The following TTC6 variants were observed in gnomAD, a reference collection of about 807,000 sequenced individuals.
The protein encoded by TTC6 is tetratricopeptide repeat domain 6.
A neutral mutation model predicts 210.4 loss-of-function variants in TTC6; 172 were observed. That is an observed-to-expected ratio of 0.82 (90% CI 0.72 to 0.93). The LOEUF (loss-of-function observed/expected upper bound fraction) is 0.93, where lower values mean the gene tolerates loss of function less well. Among genes scored for constraint, TTC6 ranks in the 40% least tolerant of loss-of-function variants. The pLI is 0.00. For missense variants in TTC6, 2,414 were observed against 2,318.1 expected (o/e 1.04, Z -0.85); for synonymous variants, 804 against 819.6 (o/e 0.98, Z 0.32).
At chr14:37,685,312 C>T (rs1158127013) in intron 3 of TTC6, among the ~76,000 whole-genome samples, 2 of 152,018 alleles carry the variant, frequency 1.3e-5, no homozygotes, top group African/African-American at 4.8e-5. Flanking sequence ...TTAAAAATAT[C>T]CATAGAAATG....
chr14:37,618,312 C>A (rs564965169), upstream of TTC6, among the ~76,000 whole-genome samples: 2 of 152,084 alleles, frequency 1.3e-5, no homozygotes, highest in Non-Finnish European at 2.9e-5. Flanking sequence ...GGCTCTTGAC[C>A]CTTCTGACTG....
At chr14:37,607,617 C>CTT (rs71433907) in intron 2 of TTC6, among the ~76,000 whole-genome samples, 12 of 140,238 alleles carry the variant, frequency 8.6e-5, no homozygotes, top group Middle Eastern at 3.8e-3. Context: ...AGTATTTAGT[C>CTT]TTTTTTTTTT....
At chr14:37,645,777 A>G (rs972859689) in intron 1 of TTC6, among the ~76,000 whole-genome samples, 2 of 152,156 alleles carry the variant, frequency 1.3e-5, no homozygotes, top group African/African-American at 4.8e-5. Flanking sequence ...ATGATGCCAC[A>G]GAGGTAGCCA....
Position 37,806,395 on chromosome 14 carries a change from A to G in TTC6, c.4199A>G (p.Asn1400Ser), listed in dbSNP as rs913447413. Reference sequence around the variant, plus strand: ...TCTTTTACAAAAGCTGTGAAAGCAAATCCAGATTTTGCAGAAAGCTTTTAT... The same window carrying G: ...TCTTTTACAAAAGCTGTGAAAGCAAGTCCAGATTTTGCAGAAAGCTTTTAT... The change falls in exon 22 of 31, where the codon AAT becomes AGT. Residue 1400 changes from asparagine (N) to serine (S), a missense_variant. By Grantham distance (46) the Asn-to-Ser change is conservative (BLOSUM62 1). Transcript: ENST00000553443. 2.1e-5 allele frequency: 33 copies of G among 1,535,504 alleles called. No individual in the cohort carries two copies. In the African/African-American group the frequency reaches 4.4e-4, roughly 20 times the overall value.
chr14:37,637,007 A>G (rs2095682117), intron 1 of TTC6, among the ~76,000 whole-genome samples: 1 of 152,210 alleles, frequency 6.6e-6, no homozygotes, highest in Non-Finnish European at 1.5e-5. Context: ...AGATATGCCC[A>G]ATTGATTTGA....
At chr14:37,792,169 T>A (rs568212848) in intron 16 of TTC6, 95 bp from the exon 19 acceptor site, 1 of 957,550 alleles carries the variant, frequency 1.0e-6, no homozygotes, top group African/African-American at 1.7e-5. Flanking sequence ...TGATGAATAC[T>A]GATGCATCTG....
At chr14:37,628,371 C>CT (rs1345847800) in intron 1 of TTC6, among the ~76,000 whole-genome samples, 21 of 152,098 alleles carry the variant, frequency 1.4e-4, no homozygotes, top group African/African-American at 5.1e-4. Flanking sequence ...TGATGATGAG[C>CT]TTTTTTCATA....
intron 3 of TTC6, among the ~76,000 whole-genome samples, chr14:37,691,777 A>G (rs565845815): frequency 4.6e-5 from 7 of 152,320 alleles, no homozygotes; most frequent in African/African-American, 1.7e-4. Flanking sequence ...AAAGCTAAAC[A>G]AAATTAATAA....
chr14:37,705,882 G>C (rs1268965306), intron 5 of TTC6, among the ~76,000 whole-genome samples: 1 of 152,120 alleles, frequency 6.6e-6, no homozygotes, highest in South Asian at 2.1e-4. Context: ...GGGAAAGAAT[G>C]TTTTAGATCT....
chr14:37,765,171 A>T (rs1021021607), intron 14 of TTC6, among the ~76,000 whole-genome samples: 8 of 151,572 alleles, frequency 5.3e-5, no homozygotes, highest in Admixed American at 2.6e-4. Flanking sequence ...TATTAAAAAA[A>T]TTTTTTTTAG....
intron 1 of TTC6, among the ~76,000 whole-genome samples, chr14:37,675,685 G>A (rs2095767542): frequency 1.3e-5 from 2 of 151,754 alleles, no homozygotes; most frequent in African/African-American, 2.4e-5. Context: ...TTACATTCCC[G>A]GTAGCAGCAT....
At chr14:37,622,743 C>T (rs1566845053) in exon 1 of TTC6, 6 of 1,535,042 alleles carry the variant, frequency 3.9e-6, no homozygotes, top group Non-Finnish European at 5.2e-6. Context: ...AGTGAGGATC[C>T]GCAGCAACTT....
At chr14:37,777,556 C>T (rs1013682328) in intron 14 of TTC6, among the ~76,000 whole-genome samples, 2 of 152,126 alleles carry the variant, frequency 1.3e-5, no homozygotes. Flanking sequence ...TCACCTGAAT[C>T]TCAATGATCT....
intron 1 of TTC6, among the ~76,000 whole-genome samples, chr14:37,599,878 C>T (rs2095612146): frequency 6.6e-6 from 1 of 152,128 alleles, no homozygotes; most frequent in Admixed American, 6.5e-5. Flanking sequence ...CGGCCGCGCG[C>T]GTCTCCCGCC....
chr14:37,800,522 C>T (rs967060809), intron 20 of TTC6, among the ~76,000 whole-genome samples: 3 of 152,032 alleles, frequency 2.0e-5, no homozygotes, highest in Admixed American at 6.6e-5. Flanking sequence ...AAGGTGTGGC[C>T]GGACAACACT....
At chr14:37,813,252 A>G (rs1282600452) in intron 25 of TTC6, among the ~76,000 whole-genome samples, 1 of 152,134 alleles carries the variant, frequency 6.6e-6, no homozygotes, top group Admixed American at 6.5e-5. Context: ...AGTTTACACT[A>G]TGAATAAATG....
chr14:37,834,580 A>C (rs541946101), intron 29 of TTC6, among the ~76,000 whole-genome samples: 1 of 152,002 alleles, frequency 6.6e-6, no homozygotes, highest in African/African-American at 2.4e-5. Context: ...TAAATCATGA[A>C]GTTTTTTTTA....
chr14:37,813,300 T>C (rs2096133936), intron 25 of TTC6, among the ~76,000 whole-genome samples: 1 of 152,188 alleles, frequency 6.6e-6, no homozygotes, highest in East Asian at 1.9e-4. Flanking sequence ...CTTTTTGATA[T>C]ATTAAAAATA....
chr14:37,840,129 T>C (rs1263020469), intron 29 of TTC6, among the ~76,000 whole-genome samples: 2 of 151,826 alleles, frequency 1.3e-5, no homozygotes, highest in East Asian at 1.9e-4. Context: ...AAGAATCAAA[T>C]AGACACAATA....
Sources: allele counts gnomAD v4.1 joint callset (sites outside exome capture counted in the v4.1 genomes callset), GRCh38; gene constraint gnomAD v4.1.1; transcripts MANE v1.5; gene names NCBI Gene and HGNC (gene_info 2026-07-23, HGNC 2026-07-21).